Variants in MTERF3 observed in about 807,000 individuals in gnomAD.
The protein encoded by MTERF3 is mitochondrial transcription termination factor 3.
Under a neutral mutation model 40.5 loss-of-function variants are expected in MTERF3, and 40 were observed. The ratio of observed to expected loss-of-function variants is 0.99; its 90% CI spans 0.77 to 1.29. The LOEUF (loss-of-function observed/expected upper bound fraction) is 1.29, where lower values mean the gene tolerates loss of function less well. MTERF3 is among the 50% of genes most tolerant of loss of function. The probability of loss-of-function intolerance (pLI) is 0.00; values close to 1 mark genes in which losing one functional copy is unlikely to be tolerated. For missense variants in MTERF3, 452 were observed against 478.2 expected, an observed-to-expected ratio of 0.95 and a Z score of 0.51; for synonymous variants, 158 against 166.6, an observed-to-expected ratio of 0.95 and a Z score of 0.40.
rs947225748 is a variant in MTERF3 at position 96,239,412 on chromosome 8, C to T, written c.*79G>A. 2.6e-6 allele frequency: 3 copies of T among 1,141,558 alleles called. No homozygotes were observed. The African/African-American group carries it at 4.9e-5, about 18-fold the overall frequency. 70.7% of individuals were successfully genotyped at this position (1,141,558 alleles called of 1,614,324 possible). ...AAATGGTTTCCAATATCAGTTGAGA[C>T]CCGAGGCATTTAAAAATATATTCAT... On this transcript the variant is annotated 3_prime_UTR_variant, in exon 8 of 8. Transcript: ENST00000287025.
intron 4 of MTERF3, 113 bp from the exon 5 acceptor site, chr8:96,246,567 C>T (rs527892298): frequency 2.3e-6 from 2 of 860,308 alleles, no homozygotes; most frequent in South Asian, 2.3e-5. Context: ...GGCTCCCACA[C>T]CCTAAATTAC....
At position 96,246,329 on chromosome 8, in the gene MTERF3, T is replaced by A. The variant is rs1317806937; in HGVS notation, c.803A>T (p.Glu268Val). Residue 268 changes from glutamate to valine, a missense_variant, in exon 5 of 8, where the codon GAA becomes GTA. Physicochemically the swap from Glu to Val is moderately radical, Grantham distance 121. Transcript: ENST00000287025. ...LDNRLGFFQKELELSVKKTRD... is the reference protein window; with the variant it reads ...LDNRLGFFQKVLELSVKKTRD... ...TACCTTCTTCACACTAAGTTCAAGT[T>A]CTTTCTGAAAAAATCCCAATCTGTT... 2.5e-6 allele frequency: 4 copies of A among 1,605,956 alleles called. No homozygotes were observed.
intron 3 of MTERF3, among the ~76,000 whole-genome samples, chr8:96,255,940 A>C (rs1321375395): frequency 6.6e-6 from 1 of 152,156 alleles, no homozygotes; most frequent in Admixed American, 6.5e-5. Context: ...AAGTCTCCAA[A>C]ATTGGAGTCC....
intron 2 of MTERF3, 131 bp from the exon 3 acceptor site, chr8:96,257,245 G>A: frequency 1.1e-6 from 1 of 940,090 alleles, no homozygotes; most frequent in South Asian, 2.0e-5. Context: ...AAACATCCAA[G>A]TCCCTAATTT....
In MTERF3 at chr8:96,243,963, T is replaced by C. The variant is rs1809975315; in HGVS notation, c.1015A>G (p.Asn339Asp). The change falls in exon 7 of 8, where the codon AAT (asparagine) becomes GAT (aspartate). Residue 339 changes from asparagine (N) to aspartate (D), a missense_variant. Asn to Asp is a conservative substitution (Grantham distance 23). Transcript: ENST00000287025. Reference protein sequence around the residue: ...KLTETFDFVHNVMSIPHHIIV... With the variant: ...KLTETFDFVHDVMSIPHHIIV... ...ATGTGGTGGGGAATGCTCATCACAT[T>C]GTGCACAAAATCAAACGTCTCGGTA... 5 of 1,614,050 alleles carry C rather than the reference T, an allele frequency of 3.1e-6. No individual in the cohort carries two copies. The highest frequency in any genetic ancestry group is 4.2e-6 in the Non-Finnish European group (5 of 1,180,048).
At chr8:96,245,995 T>G (rs1244821798) in intron 5 of MTERF3, 64 bp from the exon 6 acceptor site, 12 of 1,422,728 alleles carry the variant, frequency 8.4e-6, no homozygotes, top group Non-Finnish European at 1.2e-5. Context: ...TTTGGAAAAT[T>G]AAGGCATTAT....
At position 96,239,972 on chromosome 8, in the gene MTERF3, A is replaced by T; in HGVS notation, c.1060-287T>A. 5.1e-6 allele frequency: 3 copies of T among 587,578 alleles called. No individual in the cohort carries two copies. In the South Asian group the frequency reaches 6.5e-5, roughly 13 times the overall value. 36.4% of individuals were successfully genotyped at this position (587,578 alleles called of 1,614,324 possible). A position where few individuals can be genotyped will look rare whatever the true frequency, so the allele number is the denominator to read the frequency against. On this transcript the variant is annotated intron_variant, in intron 7 of 7. Coordinates refer to ENST00000287025, the MANE Select transcript of MTERF3 (RefSeq NM_015942.5). Reference sequence around the variant, plus strand: ...CAGAGGAGAATGTGTTAAAAAAGCAAATCTTCGGCCGGGCGTGGTGGCTCA... The same window carrying T: ...CAGAGGAGAATGTGTTAAAAAAGCATATCTTCGGCCGGGCGTGGTGGCTCA...
At chr8:96,247,487 T>C (rs1318522966) in intron 4 of MTERF3, among the ~76,000 whole-genome samples, 1 of 152,280 alleles carries the variant, frequency 6.6e-6, no homozygotes, top group South Asian at 2.1e-4. Flanking sequence ...TTTTGTTTAA[T>C]TCTAACCAGA....
At chr8:96,245,482 C>T (rs2129884052) in intron 6 of MTERF3, among the ~76,000 whole-genome samples, 1 of 152,320 alleles carries the variant, frequency 6.6e-6, no homozygotes, top group African/African-American at 2.4e-5. Context: ...GAGACATACA[C>T]AGACTGTCAT....
chr8:96,252,049 G>T (rs1266431640), intron 3 of MTERF3, among the ~76,000 whole-genome samples: 1 of 152,132 alleles, frequency 6.6e-6, no homozygotes, highest in Non-Finnish European at 1.5e-5. Context: ...AAAAAGGGGG[G>T]TTTCCAGGCA....
chr8:96,244,057 A>G lies in MTERF3; in HGVS notation c.921T>C (p.Phe307=). ...TCATATGTTGAATTTCGTTATGTTT[A>G]AAACCAAGTTCAAGACGATAAACCT... ...NMKVYRLELG[F]KHNEIQHMIT... The change falls in exon 7 of 8, where the codon TTT becomes TTC. Residue 307 remains phenylalanine, a synonymous_variant. Coordinates refer to ENST00000287025, the MANE Select transcript of MTERF3 (RefSeq NM_015942.5). The G allele has an allele frequency of 1.2e-6, 2 of 1,613,048 alleles. No homozygotes were observed.
At chr8:96,246,566 A>G (rs762196822) in intron 4 of MTERF3, 112 bp from the exon 5 acceptor site, 27 of 860,840 alleles carry the variant, frequency 3.1e-5, no homozygotes, top group Non-Finnish European at 4.5e-5. Context: ...AGGCTCCCAC[A>G]CCCTAAATTA....
At position 96,258,404 on chromosome 8, in the gene MTERF3, T is replaced by G. The variant is rs763821962; in HGVS notation, c.287A>C (p.Gln96Pro). ...AAAGCTGGATATATTTTGTGTCTTC[T>G]GTGACTGTTCATTCATGGAAGGAAG... Reference protein sequence around the residue: ...SLLPSMNEQSQKTQNISSFDS... With the variant: ...SLLPSMNEQSPKTQNISSFDS... Residue 96 changes from glutamine (Q) to proline (P), a missense_variant, in exon 2 of 8, where the codon CAG becomes CCG. Physicochemically the swap from Gln to Pro is moderately conservative, Grantham distance 76. Transcript: ENST00000287025. The G allele has an allele frequency of 1.4e-5, 22 of 1,614,000 alleles. No homozygotes were observed. The highest frequency in any genetic ancestry group is 5.3e-5 in the African/African-American group (4 of 74,940).
At chr8:96,252,934 C>T (rs924793751) in intron 3 of MTERF3, among the ~76,000 whole-genome samples, 5 of 152,170 alleles carry the variant, frequency 3.3e-5, no homozygotes, top group Admixed American at 3.3e-4. Context: ...GGGCTCACTT[C>T]ATTTCATTAA....
At chr8:96,259,803 G>A (rs966228616) in intron 1 of MTERF3, among the ~76,000 whole-genome samples, 4 of 152,104 alleles carry the variant, frequency 2.6e-5, no homozygotes, top group African/African-American at 9.7e-5. Context: ...ATACTTGAGG[G>A]TCTAATCTTT....
Position 96,254,820 on chromosome 8 carries a change from A to G in MTERF3, c.487+2142T>C, listed in dbSNP as rs150413543. Among the ~76,000 whole-genome samples the G allele has an allele frequency of 1.1e-4, 16 of 152,346 alleles. No individual in the cohort carries two copies. The East Asian group carries it at 3.1e-3, about 29-fold the overall frequency. Reference sequence around the variant, plus strand: ...CTAAACATATGGGTAACATATGGGTAACTGGGCACAGACAGATGAGTATAC... The same window carrying G: ...CTAAACATATGGGTAACATATGGGTGACTGGGCACAGACAGATGAGTATAC... On this transcript the variant is annotated intron_variant, in intron 3 of 7. Coordinates refer to ENST00000287025, the MANE Select transcript of MTERF3 (RefSeq NM_015942.5).
chr8:96,257,020 T>A lies in MTERF3; in HGVS notation c.429A>T (p.Ser143=). Residue 143 remains serine, a synonymous_variant, in exon 3 of 8, where the codon TCA becomes TCT. Coordinates refer to ENST00000287025, the MANE Select transcript of MTERF3 (RefSeq NM_015942.5). The part of the protein sequence containing the change: ...IIADPPLPPA[S]FTLRDYVDHS... ...GATCCACATAGTCTCGAAGTGTGAA[T>A]GAAGCTGGTGGCAATGGAGGGTCTG... 1.9e-6 allele frequency: 3 copies of A among 1,614,088 alleles called. No homozygotes were observed. The highest frequency in any genetic ancestry group is 2.5e-6 in the Non-Finnish European group (3 of 1,179,944).
chr8:96,261,045 C>T (rs1237928271), intron 1 of MTERF3, among the ~76,000 whole-genome samples: 1 of 152,200 alleles, frequency 6.6e-6, no homozygotes, highest in African/African-American at 2.4e-5. Flanking sequence ...ACAGAAAACC[C>T]TTAAAGAAAC....
intron 7 of MTERF3, among the ~76,000 whole-genome samples, chr8:96,243,271 C>T (rs1190068527): frequency 6.6e-6 from 1 of 152,110 alleles, no homozygotes; most frequent in Non-Finnish European, 1.5e-5. Context: ...TGGCTATTTG[C>T]ATAGGAAATA....
Sources: allele counts gnomAD v4.1 joint callset (sites outside exome capture counted in the v4.1 genomes callset), GRCh38; gene constraint gnomAD v4.1.1; transcripts MANE v1.5; gene names NCBI Gene and HGNC (gene_info 2026-07-23, HGNC 2026-07-21).